The following SLC4A4 variants were observed in gnomAD, a reference collection of about 807,000 sequenced individuals.
The protein encoded by SLC4A4 is electrogenic sodium bicarbonate cotransporter 1.
Under a neutral mutation model 111.5 loss-of-function variants are expected in SLC4A4, and 27 were observed. The observed-to-expected ratio is 0.24, with a 90% CI of 0.18 to 0.33. SLC4A4 has a LOEUF of 0.33. Ranked by LOEUF, SLC4A4 falls within the 10% of genes least tolerant of loss-of-function variation. The pLI is 1.00. For synonymous variants in SLC4A4, 443 were observed against 463.4 expected (o/e 0.96, Z 0.57); for missense variants, 909 against 1,315.5 (o/e 0.69, Z 4.78).
At chr4:71,072,314 A>G (rs113386188) in intron 1 of SLC4A4, among the ~76,000 whole-genome samples, 4 of 152,332 alleles carry the variant, frequency 2.6e-5, no homozygotes, top group African/African-American at 7.2e-5. Flanking sequence ...TTCCCAAACC[A>G]TATACTAACT....
chr4:71,489,520 G>A (rs1729713170), intron 15 of SLC4A4, among the ~76,000 whole-genome samples: 1 of 151,748 alleles, frequency 6.6e-6, no homozygotes, highest in Admixed American at 6.6e-5. Context: ...ATAATGGATG[G>A]CATGTAGTCA....
chr4:71,241,618 TG>T, intron 2 of SLC4A4, among the ~76,000 whole-genome samples: 1 of 152,252 alleles, frequency 6.6e-6, no homozygotes, highest in African/African-American at 2.4e-5. Context: ...AAGTTGGGAC[TG>T]GGGCTATTCT....
intron 7 of SLC4A4, among the ~76,000 whole-genome samples, chr4:71,428,217 T>G (rs922852601): frequency 2.0e-5 from 3 of 152,144 alleles, no homozygotes; most frequent in African/African-American, 7.2e-5. Context: ...ATAAATAACC[T>G]ACTAAGATGC....
chr4:71,091,122 A>G (rs1358704819), intron 1 of SLC4A4, among the ~76,000 whole-genome samples: 1 of 151,594 alleles, frequency 6.6e-6, no homozygotes, highest in Non-Finnish European at 1.5e-5. Flanking sequence ...TTATTTTTGT[A>G]TTTTTAGTAG....
upstream of SLC4A4, among the ~76,000 whole-genome samples, chr4:71,186,128 T>A (rs1385385056): frequency 6.6e-6 from 1 of 152,174 alleles, no homozygotes; most frequent in African/African-American, 2.4e-5. Context: ...GGATCACTGA[T>A]ATATTATTTG....
chr4:71,147,186 A>T (rs952959485), intron 2 of SLC4A4, among the ~76,000 whole-genome samples: 1 of 152,198 alleles, frequency 6.6e-6, no homozygotes, highest in Admixed American at 6.5e-5. Flanking sequence ...CTTTTTTGAG[A>T]GAATTACACA....
intron 2 of SLC4A4, among the ~76,000 whole-genome samples, chr4:71,128,576 C>T (rs1396212287): frequency 6.6e-6 from 1 of 152,128 alleles, no homozygotes; most frequent in Non-Finnish European, 1.5e-5. Flanking sequence ...GCAACCTCTG[C>T]CTCCCAGGTT....
chr4:71,227,246 C>T (rs535698474), intron 1 of SLC4A4, among the ~76,000 whole-genome samples: 2 of 152,064 alleles, frequency 1.3e-5, no homozygotes, highest in Non-Finnish European at 2.9e-5. Context: ...AGCATGTACA[C>T]GAAGGTGTGG....
intron 7 of SLC4A4, among the ~76,000 whole-genome samples, chr4:71,403,583 G>T (rs1720563168): frequency 6.6e-6 from 1 of 152,092 alleles, no homozygotes; most frequent in African/African-American, 2.4e-5. Flanking sequence ...TCTAGGCTGA[G>T]CAAAAAGCAA....
At chr4:71,445,480 T>A (rs1392214086) in intron 8 of SLC4A4, among the ~76,000 whole-genome samples, 1 of 151,988 alleles carries the variant, frequency 6.6e-6, no homozygotes, top group African/African-American at 2.4e-5. Flanking sequence ...AGATACAGAG[T>A]GTTTGGAAAA....
At chr4:71,212,672 A>ACGCGTTTGTGTGTGTG (rs1718201393) in intron 1 of SLC4A4, among the ~76,000 whole-genome samples, 1 of 152,144 alleles carries the variant, frequency 6.6e-6, no homozygotes. Context: ...TCCTGTGTGC[A>ACGCGTTTGTGTGTGTG]CGCGTTTGTG....
intron 3 of SLC4A4, among the ~76,000 whole-genome samples, chr4:71,317,975 T>C (rs1726823208): frequency 6.6e-6 from 1 of 152,130 alleles, no homozygotes; most frequent in Non-Finnish European, 1.5e-5. Flanking sequence ...TCTAATCTAG[T>C]GTCCTTACCA....
intron 1 of SLC4A4, among the ~76,000 whole-genome samples, chr4:71,225,384 C>T (rs1718981777): frequency 6.6e-6 from 1 of 151,902 alleles, no homozygotes; most frequent in Admixed American, 6.6e-5. Context: ...AGTCCCTAAT[C>T]TCAGTTCCTA....
chr4:71,352,136 A>G (rs1729898311), intron 5 of SLC4A4, among the ~76,000 whole-genome samples: 1 of 152,206 alleles, frequency 6.6e-6, no homozygotes, highest in Admixed American at 6.5e-5. Flanking sequence ...TGTTATCCAG[A>G]AAAGTATAAT....
chr4:71,181,684 T>C (rs1745299751), intron 2 of SLC4A4, among the ~76,000 whole-genome samples: 4 of 152,236 alleles, frequency 2.6e-5, no homozygotes, highest in Admixed American at 2.6e-4. Flanking sequence ...TCCTACTGTG[T>C]GTAAGGCACC....
intron 1 of SLC4A4, among the ~76,000 whole-genome samples, chr4:71,088,873 A>G (rs2148939166): frequency 6.6e-6 from 1 of 152,026 alleles, no homozygotes. Context: ...GAATCTGACA[A>G]TTATGTGGCT....
chr4:71,443,236 C>T (rs1387930379), intron 8 of SLC4A4, among the ~76,000 whole-genome samples: 1 of 149,806 alleles, frequency 6.7e-6, no homozygotes, highest in Non-Finnish European at 1.5e-5. Context: ...CTGCAACCCC[C>T]GCCTCCCTGG....
chr4:71,299,738 A>G (rs1725071933), intron 3 of SLC4A4, among the ~76,000 whole-genome samples: 1 of 151,974 alleles, frequency 6.6e-6, no homozygotes, highest in African/African-American at 2.4e-5. Flanking sequence ...TGGCTGGGGT[A>G]ATGTTTGTAT....
At chr4:71,429,780 A>G (rs1489687449) in intron 7 of SLC4A4, among the ~76,000 whole-genome samples, 1 of 152,188 alleles carries the variant, frequency 6.6e-6, no homozygotes, top group Non-Finnish European at 1.5e-5. Flanking sequence ...CTTACAATCT[A>G]TAAGAAAGGA....
Sources: allele counts gnomAD v4.1 joint callset (sites outside exome capture counted in the v4.1 genomes callset), GRCh38; gene constraint gnomAD v4.1.1; transcripts MANE v1.5; gene names NCBI Gene and HGNC (gene_info 2026-07-23, HGNC 2026-07-21).